PCDH7: variants seen among roughly 807,000 people sequenced by gnomAD.
The protein encoded by PCDH7 is protocadherin-7.
PCDH7 carries 17 observed loss-of-function variants against 58.9 expected under a neutral mutation model. The ratio of observed to expected loss-of-function variants is 0.29; its 90% CI spans 0.20 to 0.43. The LOEUF is 0.43. Among genes scored for constraint, PCDH7 ranks in the 20% least tolerant of loss-of-function variants. The probability of loss-of-function intolerance (pLI) is 1.00; values close to 1 mark genes in which losing one functional copy is unlikely to be tolerated. For synonymous variants in PCDH7, 664 were observed against 616.4 expected, an observed-to-expected ratio of 1.08 and a Z score of -1.14; for missense variants, 1,274 against 1,441.0, an observed-to-expected ratio of 0.88 and a Z score of 1.88.
chr4:30,882,570 G>A (rs1350351787), intron 1 of PCDH7, among the ~76,000 whole-genome samples: 1 of 152,090 alleles, frequency 6.6e-6, no homozygotes, highest in East Asian at 1.9e-4. Flanking sequence ...CTTTTCTAGT[G>A]TTTCAGAGGA....
chr4:30,774,669 G>T (rs972715966), intron 1 of PCDH7, among the ~76,000 whole-genome samples: 2 of 152,100 alleles, frequency 1.3e-5, no homozygotes, highest in African/African-American at 4.8e-5. Flanking sequence ...ATTTATTAAG[G>T]GCTTACTCTG....
At chr4:30,878,762 A>T (rs1292323464) in intron 1 of PCDH7, among the ~76,000 whole-genome samples, 3 of 152,090 alleles carry the variant, frequency 2.0e-5, no homozygotes, top group Non-Finnish European at 2.9e-5. Flanking sequence ...AGGCAGGAAA[A>T]TCGCTTGAAC....
chr4:30,792,828 A>G (rs1431327787), intron 1 of PCDH7, among the ~76,000 whole-genome samples: 1 of 152,172 alleles, frequency 6.6e-6, no homozygotes, highest in Non-Finnish European at 1.5e-5. Context: ...AAAGAAGCAG[A>G]CATTTGGTAT....
downstream of PCDH7, chr4:31,146,604 C>T (rs1252256821): frequency 6.6e-6 from 1 of 152,046 alleles, no homozygotes; most frequent in Non-Finnish European, 1.5e-5. Context: ...GATAGTGAAG[C>T]AGAGAACAAT....
intron 1 of PCDH7, among the ~76,000 whole-genome samples, chr4:30,778,953 G>A (rs923120260): frequency 7.2e-6 from 1 of 138,494 alleles, no homozygotes; most frequent in Admixed American, 7.4e-5. Context: ...ATTATCACTA[G>A]TAAAGTAAAT....
intron 3 of PCDH7, among the ~76,000 whole-genome samples, chr4:31,116,716 A>G (rs1717027986): frequency 1.3e-5 from 2 of 152,256 alleles, no homozygotes; most frequent in African/African-American, 2.4e-5. Flanking sequence ...ACTGTAAAAT[A>G]TACAAACCAA....
rs551935164 is a variant in PCDH7, at chr4:30,754,591, A to G, written c.70+29995A>G. The stretch of plus-strand genomic sequence containing the variant: ...GCTCAAGGTACTTTTATTGCTGTAA[A>G]AAAAATGAAGGTCACACAATAATAC... On this transcript the variant is annotated intron_variant, in intron 1 of 3. Coordinates refer to the PCDH7 transcript ENST00000509759. Among the ~76,000 whole-genome samples the G allele has an allele frequency of 1.4e-4, 21 of 152,294 alleles. No individual in the cohort carries two copies. The East Asian group carries it at 3.7e-3, about 27-fold the overall frequency.
At chr4:30,755,362 CT>C (rs1384925682) in intron 1 of PCDH7, among the ~76,000 whole-genome samples, 1 of 152,104 alleles carries the variant, frequency 6.6e-6, no homozygotes, top group Non-Finnish European at 1.5e-5. Context: ...AGGGAAAACC[CT>C]GTTATAAACA....
chr4:31,118,908 G>T (rs959483690), intron 3 of PCDH7, among the ~76,000 whole-genome samples: 2 of 152,158 alleles, frequency 1.3e-5, no homozygotes, highest in Non-Finnish European at 2.9e-5. Context: ...CAATATATAT[G>T]TAACAGCTCC....
chr4:31,082,469 A>T (rs2109271071), intron 3 of PCDH7, among the ~76,000 whole-genome samples: 1 of 152,328 alleles, frequency 6.6e-6, no homozygotes, highest in East Asian at 1.9e-4. Flanking sequence ...TCAGATACTT[A>T]TCAAATTTTA....
At chr4:31,009,232 T>G (rs1752998931) in intron 3 of PCDH7, among the ~76,000 whole-genome samples, 1 of 152,062 alleles carries the variant, frequency 6.6e-6, no homozygotes, top group South Asian at 2.1e-4. Flanking sequence ...GTCAAACATA[T>G]GAGATTAGCA....
chr4:31,043,952 C>A (rs1756087678), intron 3 of PCDH7, among the ~76,000 whole-genome samples: 3 of 152,156 alleles, frequency 2.0e-5, no homozygotes, highest in Admixed American at 2.0e-4. Flanking sequence ...TAAATGGGAG[C>A]TGAGAAAATG....
At chr4:31,004,073 G>A (rs371854413) in intron 3 of PCDH7, among the ~76,000 whole-genome samples, 10 of 152,244 alleles carry the variant, frequency 6.6e-5, no homozygotes, top group African/African-American at 2.4e-4. Context: ...GCTTCCTTGG[G>A]GTCCTTAGAG....
intron 1 of PCDH7, among the ~76,000 whole-genome samples, chr4:30,904,496 TA>T (rs1245583039): frequency 6.6e-6 from 1 of 152,214 alleles, no homozygotes; most frequent in African/African-American, 2.4e-5. Context: ...TTACCCATTT[TA>T]AAGTCAGTTG....
At chr4:30,923,824 T>C (rs192774603) in intron 2 of PCDH7, among the ~76,000 whole-genome samples, 1 of 152,324 alleles carries the variant, frequency 6.6e-6, no homozygotes, top group African/African-American at 2.4e-5. Context: ...TAATCAAAGA[T>C]TGAGGAAATT....
At chr4:30,946,043 A>G (rs987929097) in intron 2 of PCDH7, among the ~76,000 whole-genome samples, 1 of 152,174 alleles carries the variant, frequency 6.6e-6, no homozygotes, top group Admixed American at 6.6e-5. Flanking sequence ...TAGACTATCT[A>G]TGGTTGCAGA....
At chr4:31,139,656 A>G (rs1402837757) in intron 3 of PCDH7, among the ~76,000 whole-genome samples, 3 of 152,230 alleles carry the variant, frequency 2.0e-5, no homozygotes, top group Non-Finnish European at 4.4e-5. Context: ...ATACTTTTCC[A>G]CTCATGCCCT....
At chr4:31,032,997 G>T (rs1755090447) in intron 3 of PCDH7, among the ~76,000 whole-genome samples, 1 of 151,508 alleles carries the variant, frequency 6.6e-6, no homozygotes, top group Non-Finnish European at 1.5e-5. Flanking sequence ...AATTCTTCTT[G>T]ACTCTTCTTT....
intron 1 of PCDH7, among the ~76,000 whole-genome samples, chr4:30,897,054 A>G (rs752982674): frequency 2.0e-5 from 3 of 150,636 alleles, no homozygotes; most frequent in Non-Finnish European, 3.0e-5. Context: ...ACAGGCGCCC[A>G]CCACCATGCT....
Sources: allele counts gnomAD v4.1 joint callset (sites outside exome capture counted in the v4.1 genomes callset), GRCh38; gene constraint gnomAD v4.1.1; transcripts MANE v1.5; gene names NCBI Gene and HGNC (gene_info 2026-07-23, HGNC 2026-07-21).